MKI67: variants seen among roughly 807,000 people sequenced by gnomAD.
MKI67 encodes marker of proliferation Ki-67, also known as proliferation marker protein Ki-67.
A neutral mutation model predicts 233.5 loss-of-function variants in MKI67; 152 were observed. The observed-to-expected ratio is 0.65, with a 90% CI of 0.57 to 0.74. The LOEUF (loss-of-function observed/expected upper bound fraction) is 0.74, where lower values mean the gene tolerates loss of function less well. Among genes scored for constraint, MKI67 ranks in the 30% least tolerant of loss-of-function variants. The pLI, the probability that MKI67 is intolerant of heterozygous loss-of-function variation, is 0.00. For synonymous variants in MKI67, 1,465 were observed against 1,418.5 expected (o/e 1.03, Z -0.74); for missense variants, 3,940 against 3,885.2 (o/e 1.01, Z -0.37).
intron 14 of MKI67, among the ~76,000 whole-genome samples, chr10:128,099,781 T>C (rs1294635518): frequency 6.6e-6 from 1 of 152,150 alleles, no homozygotes; most frequent in South Asian, 2.1e-4. Context: ...ATCTATCTTA[T>C]ATATGCATTT....
Position 128,106,735 on chromosome 10 carries a change from C to A in MKI67, c.5105G>T (p.Gly1702Val). The part of the protein sequence containing the change: ...GSKRQLRTPK[G>V]KSEVPEDLAG... ...CAGGTCTTCAGGGACTTCAGACTTT[C>A]CCTTAGGAGTTCTCAGCTGCCTCTT... is the stretch of plus-strand genomic sequence containing the variant. The change falls in exon 13 of 15, where the codon GGA (glycine) becomes GTA (valine). Residue 1702 changes from glycine (G) to valine (V), a missense_variant. By Grantham distance (109) the Gly-to-Val change is moderately radical (BLOSUM62 -3). Coordinates refer to ENST00000368654, the MANE Select transcript of MKI67 (RefSeq NM_002417.5). The A allele has an allele frequency of 6.2e-7, 1 of 1,612,910 alleles. No homozygotes were observed. The highest frequency in any genetic ancestry group is 2.2e-5 in the East Asian group (1 of 44,760).
In MKI67 at chr10:128,104,183, C is replaced by A; in HGVS notation, c.7657G>T (p.Ala2553Ser). 4 of 1,613,964 alleles carry A rather than the reference C, an allele frequency of 2.5e-6. No individual in the cohort carries two copies. The highest frequency in any genetic ancestry group is 2.5e-6 in the Non-Finnish European group (3 of 1,180,020). ...TCAACCAGGTCTTCTAGAGCACGGGCCTTTTCCTTACGAGTTCTCAGCTGC... is the reference window on the plus strand; with the variant it reads ...TCAACCAGGTCTTCTAGAGCACGGGACTTTTCCTTACGAGTTCTCAGCTGC... ...RRQLRTRKEK[A>S]RALEDLVDFK... Residue 2553 changes from alanine (A) to serine (S), a missense_variant, in exon 13 of 15, where the codon GCC (alanine) becomes TCC (serine). Ala to Ser is a moderately conservative substitution (Grantham distance 99). Coordinates refer to ENST00000368654, the MANE Select transcript of MKI67 (RefSeq NM_002417.5).
intron 2 of MKI67, among the ~76,000 whole-genome samples, chr10:128,124,185 A>G (rs1332114957): frequency 6.6e-6 from 1 of 152,262 alleles, no homozygotes; most frequent in East Asian, 1.9e-4. Context: ...TTCAAGAGAA[A>G]GGTATCTATG....
Position 128,102,765 on chromosome 10 carries a change from C to T in MKI67, c.9075G>A (p.Leu3025=). 1 of 1,614,236 alleles carries T rather than the reference C, an allele frequency of 6.2e-7. No homozygotes were observed. Among genetic ancestry groups the T allele is most frequent in the East Asian group, 2.2e-5 (1 of 44,882 alleles). Residue 3025 remains leucine, a synonymous_variant, in exon 13 of 15, where the codon CTG becomes CTA. Transcript: ENST00000368654. ...CAACCCTCTGCTTCTTGCTGGCTGG[C>T]AGCTCCTCCACAATTTCCTCTGGTG... The part of the protein sequence containing the change: ...MPAPEEIVEE[L]PASKKQRVAP...
Position 128,108,928 on chromosome 10 carries a change from G to A in MKI67, c.2912C>T (p.Pro971Leu). The change falls in exon 13 of 15, where the codon CCT (proline) becomes CTT (leucine). Residue 971 changes from proline (P) to leucine (L), a missense_variant. Transcript: ENST00000368654. ...MSDLTDLKSL[P>L]DTELMKDTAR... ...CGTGTCTTTCATGAGTTCTGTATCA[G>A]GCAAGCTCTTGAGGTCTGTCAGGTC... 13 of 1,614,216 alleles carry A rather than the reference G, an allele frequency of 8.1e-6. No individual in the cohort carries two copies. Among genetic ancestry groups the A allele is most frequent in the Non-Finnish European group, 1.0e-5 (12 of 1,180,038 alleles).
At position 128,103,017 on chromosome 10, in the gene MKI67, G is replaced by A. The variant is rs766194711; in HGVS notation, c.8823C>T (p.Ser2941=). The A allele has an allele frequency of 1.2e-6, 2 of 1,614,128 alleles. No homozygotes were observed. The highest frequency in any genetic ancestry group is 2.2e-5 in the South Asian group (2 of 91,092). Residue 2941 remains serine (S), a synonymous_variant, in exon 13 of 15, where the codon AGC becomes AGT. Transcript: ENST00000368654. The part of the protein sequence containing the change: ...TEELANGAAD[S]FTSAPKQTPD... Reference sequence around the variant, plus strand: ...GTGTTTGCTTTGGAGCGCTTGTAAAGCTATCAGCAGCACCATTTGCCAGTT... The same window carrying A: ...GTGTTTGCTTTGGAGCGCTTGTAAAACTATCAGCAGCACCATTTGCCAGTT...
At position 128,125,584 on chromosome 10, in the gene MKI67, C is replaced by A; in HGVS notation, c.84G>T (p.Leu28Phe). The change falls in exon 2 of 15, where the codon TTG (leucine) becomes TTT (phenylalanine). Residue 28 changes from leucine (L) to phenylalanine (F), a missense_variant. Transcript: ENST00000368654. The surrounding 1 kb of genome is among the most constrained non-coding windows in gnomAD (Gnocchi z 5.3). ...PHFPLSLSTC[L>F]FGRGIECDIR... is the part of the protein sequence containing the mutation. The stretch of plus-strand genomic sequence containing the variant: ...GCGCCCGCGGGGCTCACCTTCCAAA[C>A]AAGCAGGTGCTGAGGCTCAGGGGAA... 1 of 1,612,816 alleles carries A rather than the reference C, an allele frequency of 6.2e-7. No homozygotes were observed. Among genetic ancestry groups the A allele is most frequent in the Non-Finnish European group, 8.5e-7 (1 of 1,179,508 alleles).
intron 5 of MKI67, among the ~76,000 whole-genome samples, chr10:128,117,603 T>C (rs1852835011): frequency 6.6e-6 from 1 of 152,214 alleles, no homozygotes; most frequent in African/African-American, 2.4e-5. Flanking sequence ...ATCTAAAAAA[T>C]ATTAACAAAG....
intron 5 of MKI67, among the ~76,000 whole-genome samples, chr10:128,117,912 T>C (rs1182719742): frequency 6.6e-6 from 1 of 152,226 alleles, no homozygotes; most frequent in Non-Finnish European, 1.5e-5. Context: ...AACAAACAGT[T>C]CCTAGACTGC....
chr10:128,105,889 G>T lies in MKI67; in HGVS notation c.5951C>A (p.Pro1984Gln). 6.2e-7 allele frequency: 1 copy of T among 1,613,930 alleles called. No individual in the cohort carries two copies. Among genetic ancestry groups the T allele is most frequent in the Non-Finnish European group, 8.5e-7 (1 of 1,179,986 alleles). The change falls in exon 13 of 15, where the codon CCA (proline) becomes CAA (glutamine). Residue 1984 changes from proline to glutamine, a missense_variant. Transcript: ENST00000368654. ...DKITEVSCKS[P>Q]QPDPVKTPTS... The stretch of plus-strand genomic sequence containing the variant: ...TGGGGTTTTGACTGGGTCTGGTTGT[G>T]GAGATTTGCAGGATACTTCTGTGAT...
intron 11 of MKI67, 41 bp from the exon 12 acceptor site, chr10:128,110,574 T>C: frequency 6.8e-7 from 1 of 1,469,986 alleles, no homozygotes; most frequent in Non-Finnish European, 9.3e-7. Flanking sequence ...GACATATTGC[T>C]AACATGCAGA....
chr10:128,106,570 C>A lies in MKI67; in HGVS notation c.5270G>T (p.Arg1757Ile), dbSNP rs1167928467. 2 of 1,614,000 alleles carry A rather than the reference C, an allele frequency of 1.2e-6. No homozygotes were observed. The highest frequency in any genetic ancestry group is 2.7e-5 in the African/African-American group (2 of 74,902). Residue 1757 changes from arginine to isoleucine, a missense_variant, in exon 13 of 15, where the codon AGA becomes ATA. By Grantham distance (97) the Arg-to-Ile change is moderately conservative. Transcript: ENST00000368654. ...TPTSSKPQPK[R>I]SLRKADTEEE... ...TTCAGTGTCTGCTTTCCTGAGACTT[C>A]TCTTGGGCTGTGGCTTGGAGCTTGT... is the stretch of plus-strand genomic sequence containing the variant.
intron 2 of MKI67, among the ~76,000 whole-genome samples, chr10:128,124,424 G>A (rs1482520121): frequency 6.6e-5 from 10 of 152,148 alleles, no homozygotes; most frequent in Admixed American, 5.9e-4. Context: ...TCTCCTCCGC[G>A]ATGACAGCGC....
Position 128,102,959 on chromosome 10 carries a change from T to C in MKI67, c.8881A>G (p.Arg2961Gly), listed in dbSNP as rs1232191097. The C allele has an allele frequency of 6.2e-7, 1 of 1,614,236 alleles. No homozygotes were observed. The highest frequency in any genetic ancestry group is 8.5e-7 in the Non-Finnish European group (1 of 1,180,050). Residue 2961 changes from arginine to glycine, a missense_variant, in exon 13 of 15, where the codon AGA (arginine) becomes GGA (glycine). Physicochemically the swap from Arg to Gly is moderately radical, Grantham distance 125. Coordinates refer to ENST00000368654, the MANE Select transcript of MKI67 (RefSeq NM_002417.5). The part of the protein sequence containing the change: ...DSGKPLKISR[R>G]VLRAPKVEPV... ...TCTACTTTAGGGGCCCGAAGAACTC[T>C]TCTGGATATTTTTAGAGGTTTTCCA... is the stretch of plus-strand genomic sequence containing the variant.
In MKI67 at chr10:128,103,578, T is replaced by C. The variant is rs765039148; in HGVS notation, c.8262A>G (p.Lys2754=). Residue 2754 remains lysine, a synonymous_variant, in exon 13 of 15, where the codon AAA becomes AAG. Transcript: ENST00000368654. ...QTSGETTDAD[K]EPAGEDKGIK... is the part of the protein sequence containing the mutation. ...TGCCTTTATCTTCACCTGCTGGTTC[T>C]TTGTCTGCATCCGTGGTTTCCCCTG... 6.2e-7 allele frequency: 1 copy of C among 1,614,154 alleles called. No homozygotes were observed. Among genetic ancestry groups the C allele is most frequent in the Non-Finnish European group, 8.5e-7 (1 of 1,180,038 alleles).
Position 128,098,900 on chromosome 10 carries a change from G to A in MKI67, c.*290C>T. On this transcript the variant is annotated 3_prime_UTR_variant, in exon 15 of 15. Transcript: ENST00000368654. ...TCACAGTTAAGGCTGCTGTAGGGTGGCTGTGGGTGGTGACAGACCTCAAGG... is the reference window on the plus strand; with the variant it reads ...TCACAGTTAAGGCTGCTGTAGGGTGACTGTGGGTGGTGACAGACCTCAAGG... The A allele has an allele frequency of 3.9e-6, 1 of 256,882 alleles. No individual in the cohort carries two copies. Among genetic ancestry groups the A allele is most frequent in the Non-Finnish European group, 7.4e-6 (1 of 134,950 alleles). The allele number at this position is 256,882 out of a possible 1,614,324, so 15.9% of individuals were successfully genotyped here.
chr10:128,103,721 C>G lies in MKI67; in HGVS notation c.8119G>C (p.Glu2707Gln), dbSNP rs375096294. 2 of 1,613,402 alleles carry G rather than the reference C, an allele frequency of 1.2e-6. No individual in the cohort carries two copies. Among genetic ancestry groups the G allele is most frequent in the Non-Finnish European group, 1.7e-6 (2 of 1,179,924 alleles). Residue 2707 changes from glutamate to glutamine, a missense_variant, in exon 13 of 15, where the codon GAA becomes CAA. Physicochemically the swap from Glu to Gln is conservative, Grantham distance 29. Coordinates refer to ENST00000368654, the MANE Select transcript of MKI67 (RefSeq NM_002417.5). ...TCTACCACTTCTAGTGGGGGAGATTCGCAGGGTATTTTAGTGGCTTTGCCA... is the reference window on the plus strand; with the variant it reads ...TCTACCACTTCTAGTGGGGGAGATTGGCAGGGTATTTTAGTGGCTTTGCCA... ...TAGKATKIPC[E>Q]SPPLEVVDTT...
At chr10:128,111,306 A>G (rs529527316) in intron 11 of MKI67, among the ~76,000 whole-genome samples, 3 of 152,374 alleles carry the variant, frequency 2.0e-5, no homozygotes, top group Admixed American at 6.5e-5. Flanking sequence ...CACCTGGGAT[A>G]AACTATTATT....
In MKI67 at chr10:128,106,244, G is replaced by C. The variant is rs1230378184; in HGVS notation, c.5596C>G (p.Pro1866Ala). The change falls in exon 13 of 15, where the codon CCA becomes GCA. Residue 1866 changes from proline (P) to alanine (A), a missense_variant. Transcript: ENST00000368654. ...KILCKSPQSD[P>A]ADTPTNTKQR... ...TTTGTGTTTGTTGGGGTGTCCGCTGGGTCTGATTGCGGAGATTTGCAGAGT... is the reference window on the plus strand; with the variant it reads ...TTTGTGTTTGTTGGGGTGTCCGCTGCGTCTGATTGCGGAGATTTGCAGAGT... 3 of 1,613,872 alleles carry C rather than the reference G, an allele frequency of 1.9e-6. No individual in the cohort carries two copies. The Admixed American group carries it at 5.0e-5, about 27-fold the overall frequency.
Sources: allele counts gnomAD v4.1 joint callset (sites outside exome capture counted in the v4.1 genomes callset), GRCh38; gene constraint gnomAD v4.1.1; non-coding constraint Gnocchi (gnomAD v3.1); transcripts MANE v1.5; gene names NCBI Gene and HGNC (gene_info 2026-07-23, HGNC 2026-07-21).